ZBTB24: variants seen among roughly 807,000 people sequenced by gnomAD.
The protein encoded by ZBTB24 is zinc finger and BTB domain containing 24, also known as zinc finger and BTB domain-containing protein 24.
In ZBTB24, 32 loss-of-function variants were observed where a neutral mutation model predicts 53.8. The ratio of observed to expected loss-of-function variants is 0.60; its 90% CI spans 0.45 to 0.80. The LOEUF (loss-of-function observed/expected upper bound fraction) is 0.80, where lower values mean the gene tolerates loss of function less well. Among genes scored for constraint, ZBTB24 ranks in the 30% least tolerant of loss-of-function variants. The probability of loss-of-function intolerance (pLI) is 0.00; values close to 1 mark genes in which losing one functional copy is unlikely to be tolerated. For synonymous variants in ZBTB24, 297 were observed against 306.7 expected (o/e 0.97, Z 0.33); for missense variants, 722 against 837.1 (o/e 0.86, Z 1.70).
At chr6:109,482,358 C>A (rs1244563342) in intron 1 of ZBTB24, among the ~76,000 whole-genome samples, 2 of 152,048 alleles carry the variant, frequency 1.3e-5, no homozygotes, top group Non-Finnish European at 2.9e-5. Flanking sequence ...CCCAGCTACT[C>A]AGGAGGCTGC....
intron 5 of ZBTB24, among the ~76,000 whole-genome samples, chr6:109,474,747 A>C (rs1439877345): frequency 6.6e-6 from 1 of 151,594 alleles, no homozygotes; most frequent in Non-Finnish European, 1.5e-5. Flanking sequence ...AAAAAAAAAA[A>C]AATTTATCTT....
chr6:109,475,439 C>G lies in ZBTB24; in HGVS notation c.1248G>C (p.Met416Ile). Residue 416 changes from methionine (M) to isoleucine (I), a missense_variant, in exon 5 of 7, where the codon ATG becomes ATC. Met to Ile is a conservative substitution (Grantham distance 10). Transcript: ENST00000230122. ...PECKDCHRKF[M>I]DVSQLKKHLR... ...GATGTTTCTTTAGCTGAGACACATC[C>G]ATGAATTTGCGATGGCAGTCTTTGC... 1 of 1,614,150 alleles carries G rather than the reference C, an allele frequency of 6.2e-7. No homozygotes were observed. The highest frequency in any genetic ancestry group is 8.5e-7 in the Non-Finnish European group (1 of 1,180,030).
rs80351559 is a variant in ZBTB24, at chr6:109,476,170, C to T, written c.1204+5G>A. On this transcript the variant is annotated splice_donor_5th_base_variant and intron_variant, in intron 4 of 6. Transcript: ENST00000230122. ...CCCAATCTAAATGTTCTCACTTTAT[C>T]GTACCTGTATGAACTCGGTAATGGC... is the stretch of plus-strand genomic sequence containing the variant. The T allele has an allele frequency of 2.9e-4, 471 of 1,613,460 alleles. 3 individuals carry two copies. In the East Asian group the frequency reaches 7.8e-3, roughly 27 times the overall value.
In ZBTB24 at chr6:109,481,626, G is replaced by A. The variant is rs756413090; in HGVS notation, c.401C>T (p.Ser134Phe). The change falls in exon 2 of 7, where the codon TCC becomes TTC. Residue 134 changes from serine to phenylalanine, a missense_variant. Transcript: ENST00000230122. ...AGTGTTCAAAGTTGTTGGCTTTGGG[G>A]AGCTATGATTATTTTGGAAGTCTGT... ...AYTDFQNNHS[S>F]PKPTTLNTAG... 1 of 1,614,204 alleles carries A rather than the reference G, an allele frequency of 6.2e-7. No individual in the cohort carries two copies. The highest frequency in any genetic ancestry group is 8.5e-7 in the Non-Finnish European group (1 of 1,180,048).
chr6:109,481,741 T>C lies in ZBTB24; in HGVS notation c.286A>G (p.Thr96Ala). The change falls in exon 2 of 7, where the codon ACA becomes GCA. Residue 96 changes from threonine (T) to alanine (A), a missense_variant. Thr to Ala is a moderately conservative substitution (Grantham distance 58, BLOSUM62 0). Transcript: ENST00000230122. ...TFGILLEFIY[T>A]GYLHASEKST... ...TTCTCACTGGCATGGAGATAACCTG[T>C]GTAGATAAATTCCAGCAGGATACCA... 1.2e-6 allele frequency: 2 copies of C among 1,614,220 alleles called. No individual in the cohort carries two copies. The highest frequency in any genetic ancestry group is 1.7e-6 in the Non-Finnish European group (2 of 1,180,036).
intron 5 of ZBTB24, among the ~76,000 whole-genome samples, chr6:109,472,636 A>G (rs1776190256): frequency 1.3e-5 from 2 of 152,122 alleles, no homozygotes; most frequent in South Asian, 4.1e-4. Context: ...ATTTGCAGGC[A>G]CATGTGCACC....
chr6:109,481,049 G>T (rs1776395885), intron 2 of ZBTB24, 26 bp downstream of exon 2: 2 of 1,611,206 alleles, frequency 1.2e-6, no homozygotes, highest in African/African-American at 2.7e-5. Context: ...GCAACACACT[G>T]CAATCAGCTT....
chr6:109,478,797 A>G (rs1776333826), intron 2 of ZBTB24, among the ~76,000 whole-genome samples: 1 of 151,588 alleles, frequency 6.6e-6, no homozygotes, highest in South Asian at 2.1e-4. Context: ...ACTCAAGGAG[A>G]GCCTTTTGTA....
At position 109,466,071 on chromosome 6, in the gene ZBTB24, C is replaced by T; in HGVS notation, c.1874G>A (p.Ser625Asn). 4 of 1,614,212 alleles carry T rather than the reference C, an allele frequency of 2.5e-6. No homozygotes were observed. Among genetic ancestry groups the T allele is most frequent in the Admixed American group, 1.7e-5 (1 of 60,020 alleles). Residue 625 changes from serine to asparagine, a missense_variant, in exon 7 of 7, where the codon AGC (serine) becomes AAC (asparagine). Transcript: ENST00000230122. ...CTCTGTTTGTGAGGGCCCCATCTGG[C>T]TTTCAATCATATTGAGGCTCTGAAT... ...EHIQSLNMIE[S>N]QMGPSQTEPV... is the part of the protein sequence containing the mutation.
intron 4 of ZBTB24, 140 bp downstream of exon 4, chr6:109,476,035 A>G (rs995866744): frequency 2.5e-5 from 21 of 824,844 alleles, no homozygotes; most frequent in Non-Finnish European, 4.0e-5. Context: ...CATGTAATTT[A>G]GACTCTTAAG....
intron 2 of ZBTB24, 166 bp downstream of exon 2, chr6:109,480,909 A>G: frequency 6.9e-7 from 1 of 1,447,688 alleles, no homozygotes; most frequent in South Asian, 1.4e-5. Context: ...TAATGAGGAT[A>G]TTACCCACCT....
rs1301430544 is a variant in ZBTB24, at chr6:109,463,652, T to C, written c.*2199A>G. ...AAGTTGTATGAAATCTAAATACAGA[T>C]CAAGTATGTCCAATGAACATTAGCA... is the stretch of plus-strand genomic sequence containing the variant. On this transcript the variant is annotated 3_prime_UTR_variant, in exon 7 of 7. Coordinates refer to ENST00000230122, the MANE Select transcript of ZBTB24 (RefSeq NM_014797.3). 3.3e-5 allele frequency: 5 copies of C among 152,230 alleles called. No homozygotes were observed. 9.4% of individuals were successfully genotyped at this position (152,230 alleles called of 1,614,324 possible). A position where few individuals can be genotyped will look rare whatever the true frequency, so the allele number is the denominator to read the frequency against.
chr6:109,479,848 G>A lies in ZBTB24; in HGVS notation c.952+1227C>T, dbSNP rs113630470. On this transcript the variant is annotated intron_variant, in intron 2 of 6. Coordinates refer to ENST00000230122, the MANE Select transcript of ZBTB24 (RefSeq NM_014797.3). ...GGAGAATCACTTGAACTCGGGAGGC[G>A]GAGGTTGCGGTGAGCCGAGATCGCG... 6.2e-3 allele frequency among the ~76,000 whole-genome samples: 929 copies of A among 150,658 alleles called. 16 individuals carry two copies. The highest frequency in any genetic ancestry group is 0.021 in the African/African-American group (878 of 40,956).
Position 109,465,987 on chromosome 6 carries a change from T to C in ZBTB24, c.1958A>G (p.Glu653Gly), listed in dbSNP as rs780595455. ...AGCTAAATGGAGCTCCTCTGTTTGC[T>C]CTTGATGGGCATGAAGATGTTCCAG... ...ETLEHLHAHQ[E>G]QTEELHLATS... The change falls in exon 7 of 7, where the codon GAG (glutamate) becomes GGG (glycine). Residue 653 changes from glutamate to glycine, a missense_variant. Coordinates refer to ENST00000230122, the MANE Select transcript of ZBTB24 (RefSeq NM_014797.3). 6.2e-7 allele frequency: 1 copy of C among 1,614,094 alleles called. No individual in the cohort carries two copies. Among genetic ancestry groups the C allele is most frequent in the Non-Finnish European group, 8.5e-7 (1 of 1,180,056 alleles).
chr6:109,480,056 T>TTA (rs1429580457), intron 2 of ZBTB24, among the ~76,000 whole-genome samples: 1 of 152,180 alleles, frequency 6.6e-6, no homozygotes, highest in Non-Finnish European at 1.5e-5. Flanking sequence ...TAGGGAGCTT[T>TTA]TAAAAGCACC....
chr6:109,471,646 G>A (rs1776168352), intron 5 of ZBTB24, among the ~76,000 whole-genome samples: 1 of 152,162 alleles, frequency 6.6e-6, no homozygotes, highest in Non-Finnish European at 1.5e-5. Flanking sequence ...AGGCTTCTCT[G>A]TGACCTGGGC....
In ZBTB24 at chr6:109,481,895, C is replaced by A; in HGVS notation, c.132G>T (p.Glu44Asp). 2 of 1,614,156 alleles carry A rather than the reference C, an allele frequency of 1.2e-6. No individual in the cohort carries two copies. The highest frequency in any genetic ancestry group is 1.7e-6 in the Non-Finnish European group (2 of 1,180,038). ...CTTTGTGGGCCCGGAAATGTACATT[C>A]TCCACGATTAAAGTAATGTCACAGA... ...GFLCDITLIV[E>D]NVHFRAHKAL... Residue 44 changes from glutamate (E) to aspartate (D), a missense_variant, in exon 2 of 7, where the codon GAG becomes GAT. Transcript: ENST00000230122.
Position 109,481,696 on chromosome 6 carries a change from C to T in ZBTB24, c.331G>A (p.Ala111Thr). 1.7e-5 allele frequency: 28 copies of T among 1,614,156 alleles called. No homozygotes were observed. The highest frequency in any genetic ancestry group is 2.4e-5 in the Non-Finnish European group (28 of 1,180,042). Residue 111 changes from alanine (A) to threonine (T), a missense_variant, in exon 2 of 7, where the codon GCT becomes ACT. Coordinates refer to ENST00000230122, the MANE Select transcript of ZBTB24 (RefSeq NM_014797.3). The part of the protein sequence containing the change: ...ASEKSTEQIL[A>T]TAQFLKVYDL... The stretch of plus-strand genomic sequence containing the variant: ...TAGACTTTTAAGAACTGAGCAGTAG[C>T]CAGGATTTGTTCTGTACTTTTCTCA...
In ZBTB24 at chr6:109,481,901, G is replaced by A. The variant is rs751775137; in HGVS notation, c.126C>T (p.Ile42=). 26 of 1,614,028 alleles carry A rather than the reference G, an allele frequency of 1.6e-5. 1 individual carries two copies. In the South Asian group the frequency reaches 2.7e-4, roughly 17 times the overall value. ...GGGCCCGGAAATGTACATTCTCCAC[G>A]ATTAAAGTAATGTCACAGAGGAAGC... is the stretch of plus-strand genomic sequence containing the variant. The part of the protein sequence containing the change: ...KKGFLCDITL[I]VENVHFRAHK... The change falls in exon 2 of 7, where the codon ATC becomes ATT. Residue 42 remains isoleucine (I), a synonymous_variant. Transcript: ENST00000230122.
Sources: allele counts gnomAD v4.1 joint callset (sites outside exome capture counted in the v4.1 genomes callset), GRCh38; gene constraint gnomAD v4.1.1; transcripts MANE v1.5; gene names NCBI Gene and HGNC (gene_info 2026-07-23, HGNC 2026-07-21).